The following NAF1 variants were observed in gnomAD, a reference collection of about 807,000 sequenced individuals.
NAF1 encodes the protein H/ACA ribonucleoprotein complex non-core subunit NAF1.
A neutral mutation model predicts 40.6 loss-of-function variants in NAF1; 11 were observed. That is an observed-to-expected ratio of 0.27 (90% CI 0.17 to 0.45). The LOEUF (loss-of-function observed/expected upper bound fraction) is 0.45, where lower values mean the gene tolerates loss of function less well. Among genes scored for constraint, NAF1 ranks in the 20% least tolerant of loss-of-function variants. NAF1 has a pLI of 1.00. For synonymous variants in NAF1, 260 were observed against 228.5 expected, an observed-to-expected ratio of 1.14 and a Z score of -1.24; for missense variants, 607 against 611.1, an observed-to-expected ratio of 0.99 and a Z score of 0.07.
chr4:163,121,045 C>T (rs186253670), intron 2 of NAF1, among the ~76,000 whole-genome samples: 1 of 152,204 alleles, frequency 6.6e-6, no homozygotes, highest in African/African-American at 2.4e-5. Context: ...GGATGCACCA[C>T]CACACCCAGC....
intron 6 of NAF1, 87 bp downstream of exon 6, chr4:163,137,112 A>C (rs557161847): frequency 2.4e-5 from 35 of 1,468,038 alleles, no homozygotes; most frequent in Non-Finnish European, 3.0e-5. Context: ...AGTATTAATG[A>C]CTTCCCTAAC....
chr4:163,125,280 T>C (rs900164568), downstream of NAF1, among the ~76,000 whole-genome samples: 5 of 152,232 alleles, frequency 3.3e-5, no homozygotes, highest in African/African-American at 9.6e-5. Flanking sequence ...ATTAAGCTTA[T>C]TGAGGACAGC....
chr4:163,108,488 A>G (rs1474863258), downstream of NAF1, among the ~76,000 whole-genome samples: 1 of 152,234 alleles, frequency 6.6e-6, no homozygotes, highest in Non-Finnish European at 1.5e-5. Context: ...TTCAAATGTT[A>G]AGCACTGAAT....
downstream of NAF1, among the ~76,000 whole-genome samples, chr4:163,107,672 G>T (rs912749129): frequency 9.2e-5 from 14 of 152,120 alleles, no homozygotes; most frequent in African/African-American, 3.4e-4. Flanking sequence ...TGTTCCATTA[G>T]CCTGAACCTG....
rs142941072 is a variant in NAF1 at position 163,146,120 on chromosome 4, C to G, written c.635-256G>C. On this transcript the variant is annotated intron_variant, in intron 3 of 7. Transcript: ENST00000274054. ...TTAAAATGCAAATCCCACAGAAAATCTGAATCATCCATTAAAGATTCAACA... is the reference window on the plus strand; with the variant it reads ...TTAAAATGCAAATCCCACAGAAAATGTGAATCATCCATTAAAGATTCAACA... Among the ~76,000 whole-genome samples the G allele has an allele frequency of 1.3e-3, 201 of 152,276 alleles. 3 individuals are homozygous for G. The highest frequency in any genetic ancestry group is 4.5e-3 in the African/African-American group (188 of 41,560).
At chr4:163,112,473 A>G (rs1195821342) in intron 2 of NAF1, among the ~76,000 whole-genome samples, 1 of 152,162 alleles carries the variant, frequency 6.6e-6, no homozygotes, top group Non-Finnish European at 1.5e-5. Flanking sequence ...GATGGAGGAG[A>G]AATTCAAACT....
intron 1 of NAF1, among the ~76,000 whole-genome samples, chr4:163,164,793 G>C (rs1732383730): frequency 6.6e-6 from 1 of 152,150 alleles, no homozygotes; most frequent in African/African-American, 2.4e-5. Flanking sequence ...TCGCTTAATT[G>C]CCAGATTGCT....
chr4:163,160,866 C>T (rs887941609), intron 2 of NAF1, among the ~76,000 whole-genome samples: 2 of 152,014 alleles, frequency 1.3e-5, no homozygotes, highest in Admixed American at 6.5e-5. Context: ...CCACATAGAG[C>T]TTGAAGCTCC....
At chr4:163,130,688 C>T (rs543868719) in intron 7 of NAF1, among the ~76,000 whole-genome samples, 35 of 152,296 alleles carry the variant, frequency 2.3e-4, no homozygotes, top group African/African-American at 7.7e-4. Context: ...TACAACAGAG[C>T]ATAAGTAGTG....
chr4:163,114,936 C>T (rs192056937), intron 2 of NAF1, among the ~76,000 whole-genome samples: 3 of 152,078 alleles, frequency 2.0e-5, no homozygotes, highest in Admixed American at 6.6e-5. Context: ...TTTTTGTATC[C>T]ATTTTCATAA....
chr4:163,124,198 A>G (rs1169139346), downstream of NAF1, among the ~76,000 whole-genome samples: 3 of 152,236 alleles, frequency 2.0e-5, no homozygotes, highest in Non-Finnish European at 4.4e-5. Flanking sequence ...TCTAAAATAA[A>G]TAAGTACGCC....
At chr4:163,107,722 T>C (rs929757133), downstream of NAF1, among the ~76,000 whole-genome samples, 1 of 152,224 alleles carries the variant, frequency 6.6e-6, no homozygotes, top group African/African-American at 2.4e-5. Context: ...AAGCACAATG[T>C]ACAATAGTGT....
chr4:163,165,834 CTGTT>C (rs1317087600), intron 1 of NAF1, among the ~76,000 whole-genome samples: 7 of 152,204 alleles, frequency 4.6e-5, no homozygotes, highest in Non-Finnish European at 8.8e-5. Flanking sequence ...CTAAATAACA[CTGTT>C]TGGCTACTTT....
In NAF1 at chr4:163,166,659, A is replaced by C. The variant is rs1732491657; in HGVS notation, c.69T>G (p.Val23=). 6.2e-7 allele frequency: 1 copy of C among 1,613,468 alleles called. No homozygotes were observed. Among genetic ancestry groups the C allele is most frequent in the Non-Finnish European group, 8.5e-7 (1 of 1,179,978 alleles). ...TLKFNGTDFG[V]GEGPAAPSPG... ...GAGACGGAGCCGCCGGACCTTCCCC[A>C]ACTCCAAAGTCGGTGCCATTGAATT... The change falls in exon 1 of 8, where the codon GTT becomes GTG. Residue 23 remains valine, a synonymous_variant. Transcript: ENST00000274054.
At chr4:163,128,308 G>A (rs934663372), downstream of NAF1, among the ~76,000 whole-genome samples, 1 of 152,108 alleles carries the variant, frequency 6.6e-6, no homozygotes, top group African/African-American at 2.4e-5. Flanking sequence ...ATTTTGCACA[G>A]ATAATGGAAG....
At chr4:163,126,510 A>G (rs1023886014), downstream of NAF1, among the ~76,000 whole-genome samples, 2 of 152,290 alleles carry the variant, frequency 1.3e-5, no homozygotes, top group Non-Finnish European at 1.5e-5. Context: ...TCACGAAAAA[A>G]CTTGAACAGA....
downstream of NAF1, chr4:163,128,666 A>T (rs563789713): frequency 5.3e-4 from 546 of 1,021,904 alleles, 4 homozygotes; most frequent in Middle Eastern, 4.0e-3. Context: ...CATGAATTCA[A>T]AATTTTAATT....
chr4:163,109,624 G>A (rs961478100), downstream of NAF1, among the ~76,000 whole-genome samples: 1 of 152,170 alleles, frequency 6.6e-6, no homozygotes, highest in African/African-American at 2.4e-5. Flanking sequence ...AAGAACACAA[G>A]TGGTAACAGA....
chr4:163,161,247 T>C (rs973857973), intron 2 of NAF1, among the ~76,000 whole-genome samples: 1 of 151,810 alleles, frequency 6.6e-6, no homozygotes, highest in African/African-American at 2.4e-5. Flanking sequence ...CCGAGGCAGG[T>C]GGATCACCTG....
Sources: allele counts gnomAD v4.1 joint callset (sites outside exome capture counted in the v4.1 genomes callset), GRCh38; gene constraint gnomAD v4.1.1; transcripts MANE v1.5; gene names NCBI Gene and HGNC (gene_info 2026-07-23, HGNC 2026-07-21).